Variants in PTPRO observed in about 807,000 individuals in gnomAD.
The protein encoded by PTPRO is protein tyrosine phosphatase receptor type O, also known as receptor-type tyrosine-protein phosphatase O.
In PTPRO, 62 loss-of-function variants were observed where a neutral mutation model predicts 145.2. That is an observed-to-expected ratio of 0.43 (90% CI 0.35 to 0.53). The LOEUF is 0.53. PTPRO is among the 20% of genes least tolerant of loss of function. The pLI, the probability that PTPRO is intolerant of heterozygous loss-of-function variation, is 0.01. For missense variants in PTPRO, 1,345 were observed against 1,482.7 expected, an observed-to-expected ratio of 0.91 and a Z score of 1.53; for synonymous variants, 565 against 514.7, an observed-to-expected ratio of 1.10 and a Z score of -1.32.
At chr12:15,462,322 C>T (rs1316777534) in intron 1 of PTPRO, among the ~76,000 whole-genome samples, 1 of 152,100 alleles carries the variant, frequency 6.6e-6, no homozygotes, top group Non-Finnish European at 1.5e-5. Flanking sequence ...GACCGGGTTT[C>T]ACCACGTTGG....
chr12:15,569,593 G>C (rs1227513071), intron 19 of PTPRO, 95 bp downstream of exon 19: 2 of 1,120,064 alleles, frequency 1.8e-6, no homozygotes, highest in Non-Finnish European at 2.7e-6. Flanking sequence ...CACTGGCAGT[G>C]CGTAACAAAA....
chr12:15,578,549 C>T (rs988938451), intron 19 of PTPRO, among the ~76,000 whole-genome samples: 38 of 152,164 alleles, frequency 2.5e-4, no homozygotes, highest in African/African-American at 8.7e-4. Flanking sequence ...CAGGTCTGCC[C>T]TATGTGCCTC....
intron 1 of PTPRO, among the ~76,000 whole-genome samples, chr12:15,430,193 G>T (rs576158628): frequency 1.4e-4 from 21 of 151,712 alleles, no homozygotes; most frequent in African/African-American, 4.8e-4. Flanking sequence ...CACAGTTTCA[G>T]AGAGGAGTCC....
chr12:15,538,046 G>A (rs1168314483), intron 12 of PTPRO, among the ~76,000 whole-genome samples: 1 of 152,056 alleles, frequency 6.6e-6, no homozygotes, highest in Non-Finnish European at 1.5e-5. Context: ...TACCTCCATG[G>A]CCAGCAGCCC....
chr12:15,383,527 C>T (rs757913348), intron 1 of PTPRO, among the ~76,000 whole-genome samples: 35 of 152,058 alleles, frequency 2.3e-4, no homozygotes, highest in Non-Finnish European at 4.6e-4. Flanking sequence ...GATTCTAAGC[C>T]AAATATGAGA....
chr12:15,484,871 G>A (rs1052571443), intron 2 of PTPRO, among the ~76,000 whole-genome samples: 14 of 152,036 alleles, frequency 9.2e-5, no homozygotes, highest in African/African-American at 2.7e-4. Flanking sequence ...AACTCCATGT[G>A]ATTTTTTTTC....
At chr12:15,352,214 C>T (rs1476273313) in intron 1 of PTPRO, among the ~76,000 whole-genome samples, 1 of 152,176 alleles carries the variant, frequency 6.6e-6, no homozygotes, top group Non-Finnish European at 1.5e-5. Flanking sequence ...GACCAGCCAT[C>T]ATTACATCGG....
intron 1 of PTPRO, among the ~76,000 whole-genome samples, chr12:15,470,110 C>T (rs1941506243): frequency 6.6e-6 from 1 of 152,086 alleles, no homozygotes; most frequent in South Asian, 2.1e-4. Flanking sequence ...GAGGATTTAT[C>T]AGGCATATTC....
At chr12:15,359,523 C>T (rs1938108600) in intron 1 of PTPRO, among the ~76,000 whole-genome samples, 1 of 150,290 alleles carries the variant, frequency 6.7e-6, no homozygotes, top group African/African-American at 2.5e-5. Context: ...CTACCTTGGC[C>T]TCCCAAGTAG....
At chr12:15,587,290 G>C in intron 24 of PTPRO, 1 of 512,798 alleles carries the variant, frequency 2.0e-6, no homozygotes. Context: ...ATAGAGAAGG[G>C]TAGAGATGTT....
chr12:15,575,009 A>G (rs1591758044), intron 19 of PTPRO, among the ~76,000 whole-genome samples: 1 of 152,108 alleles, frequency 6.6e-6, no homozygotes, highest in East Asian at 1.9e-4. Context: ...ATGCAATGGT[A>G]TTTGGAGATG....
intron 23 of PTPRO, among the ~76,000 whole-genome samples, chr12:15,582,216 A>T (rs1944336159): frequency 6.6e-6 from 1 of 152,188 alleles, no homozygotes; most frequent in South Asian, 2.1e-4. Flanking sequence ...ATTGCGGTAA[A>T]CCGACAACCT....
intron 1 of PTPRO, among the ~76,000 whole-genome samples, chr12:15,445,462 G>A (rs1940878003): frequency 6.6e-6 from 1 of 152,104 alleles, no homozygotes; most frequent in South Asian, 2.1e-4. Flanking sequence ...TAAGTGCACA[G>A]GAAACATTTA....
At chr12:15,389,409 T>G (rs1939127064) in intron 1 of PTPRO, among the ~76,000 whole-genome samples, 2 of 152,034 alleles carry the variant, frequency 1.3e-5, no homozygotes, top group Admixed American at 6.6e-5. Context: ...ACCTGGCCTC[T>G]CCAGGGAATC....
intron 12 of PTPRO, among the ~76,000 whole-genome samples, chr12:15,527,875 A>AACCCCCCCCCCACCCC (rs1942873389): frequency 7.3e-6 from 1 of 137,638 alleles, no homozygotes; most frequent in African/African-American, 2.8e-5. Context: ...GGGAACTGTG[A>AACCCCCCCCCCACCCC]CCCGCCCACG....
chr12:15,408,885 T>C (rs1939719535), intron 1 of PTPRO, among the ~76,000 whole-genome samples: 1 of 152,212 alleles, frequency 6.6e-6, no homozygotes, highest in Admixed American at 6.5e-5. Context: ...TAAACATTTG[T>C]CCAATCTCTC....
chr12:15,459,996 G>A (rs1392642625), intron 1 of PTPRO, among the ~76,000 whole-genome samples: 1 of 152,192 alleles, frequency 6.6e-6, no homozygotes, highest in Non-Finnish European at 1.5e-5. Flanking sequence ...AGCCTCATGT[G>A]TGTGTTGCTG....
chr12:15,443,994 CA>C (rs35520232), intron 1 of PTPRO, among the ~76,000 whole-genome samples: 43,816 of 144,674 alleles, frequency 0.3, 6,473 homozygotes, highest in South Asian at 0.42. Flanking sequence ...GAGTATATAT[CA>C]AAAAAAAAAA....
chr12:15,459,994 G>T (rs1941265220), intron 1 of PTPRO, among the ~76,000 whole-genome samples: 1 of 152,220 alleles, frequency 6.6e-6, no homozygotes. Flanking sequence ...TGAGCCTCAT[G>T]TGTGTGTTGC....
Sources: gnomAD v4.1 joint callset for allele counts (sites outside exome capture counted in the v4.1 genomes callset) on GRCh38, gnomAD v4.1.1 for gene constraint, MANE v1.5 for transcripts, NCBI Gene and HGNC (gene_info 2026-07-23, HGNC 2026-07-21) for gene names.